Variants in SYAP1 observed in about 807,000 individuals in gnomAD.
The protein encoded by SYAP1 is synapse associated protein 1.
Under a neutral mutation model 29.6 loss-of-function variants are expected in SYAP1, and 3 were observed. The ratio of observed to expected loss-of-function variants is 0.10; its 90% CI spans 0.05 to 0.26. SYAP1 has a LOEUF of 0.26. Among genes scored for constraint, SYAP1 ranks in the 10% least tolerant of loss-of-function variants. The pLI, the probability that SYAP1 is intolerant of heterozygous loss-of-function variation, is 1.00. For missense variants in SYAP1, 217 were observed against 264.1 expected, an observed-to-expected ratio of 0.82 and a Z score of 1.24; for synonymous variants, 102 against 102.7, an observed-to-expected ratio of 0.99 and a Z score of 0.04.
At chrX:16,736,390 C>T (rs1926328948) in intron 3 of SYAP1, 158 bp downstream of exon 3, 1 of 407,145 alleles carries the variant, frequency 2.5e-6, no homozygotes, top group Non-Finnish European at 4.4e-6. Context: ...AACCCATAAA[C>T]TTCCATGATT....
intron 3 of SYAP1, among the ~76,000 whole-genome samples, chrX:16,739,465 A>ACT (rs1214604346): frequency 6.3e-5 from 5 of 79,016 alleles, no homozygotes; most frequent in East Asian, 4.4e-4. Flanking sequence ...TTTTCAAATC[A>ACT]CTCTCTCTCT....
chrX:16,729,485 ATTT>A (rs200479115), intron 1 of SYAP1, among the ~76,000 whole-genome samples: 1 of 93,136 alleles, frequency 1.1e-5, no homozygotes, highest in Non-Finnish European at 2.1e-5. Context: ...GATTTTATCG[ATTT>A]TTTTTTTTTT....
Position 16,741,781 on chromosome X carries a change from T to G in SYAP1, c.427T>G (p.Leu143Val), listed in dbSNP as rs1261381847. The change falls in exon 4 of 9, where the codon TTA (leucine) becomes GTA (valine). Residue 143 changes from leucine (L) to valine (V), a missense_variant. Coordinates refer to ENST00000380155, the MANE Select transcript of SYAP1 (RefSeq NM_032796.4). ...EETIQQQILA[L>V]SADKRNFLRD... Reference sequence around the variant, plus strand: ...AACAATTCAACAACAAATTTTGGCCTTATCAGCTGTAAGTATCTTGTGGTA... The same window carrying G: ...AACAATTCAACAACAAATTTTGGCCGTATCAGCTGTAAGTATCTTGTGGTA... The G allele has an allele frequency of 8.4e-7, 1 of 1,196,179 alleles. No homozygotes were observed. The highest frequency in any genetic ancestry group is 2.2e-5 in the Admixed American group (1 of 45,355).
At chrX:16,732,077 C>CA (rs1316265911) in intron 1 of SYAP1, among the ~76,000 whole-genome samples, 2 of 112,183 alleles carry the variant, frequency 1.8e-5, no homozygotes, top group Non-Finnish European at 3.8e-5. Flanking sequence ...TAAATGTAAA[C>CA]AAAAATATAT....
rs112239864 is a variant in SYAP1 at position 16,746,407 on chromosome X, T to C, written c.575+2567T>C. Among the ~76,000 whole-genome samples, 227 of 108,878 alleles carry C rather than the reference T, an allele frequency of 2.1e-3. 1 individual carries two copies. Among genetic ancestry groups the C allele is most frequent in the Non-Finnish European group, 3.8e-3 (199 of 52,475 alleles). The allele number at this position is 108,878 out of a possible 115,157, so 94.5% of individuals were successfully genotyped here. A position where few individuals can be genotyped will look rare whatever the true frequency, so the allele number is the denominator to read the frequency against. On this transcript the variant is annotated intron_variant, in intron 5 of 8. Transcript: ENST00000380155. ...GCCCGCCACCACACCCAGCTAATTT[T>C]TGTATTTTTAGTAGAGATGGGGTTT...
intron 5 of SYAP1, among the ~76,000 whole-genome samples, chrX:16,754,579 T>C (rs1341423396): frequency 4.5e-5 from 5 of 110,636 alleles, no homozygotes; most frequent in African/African-American, 1.6e-4. Flanking sequence ...AATACAAAAA[T>C]TAGCTGTGCA....
At chrX:16,736,552 G>A in intron 3 of SYAP1, 1 of 160,985 alleles carries the variant, frequency 6.2e-6, no homozygotes, top group Non-Finnish European at 1.2e-5. Flanking sequence ...CACCCAGGCT[G>A]GAGTGCAATG....
At chrX:16,744,945 C>T (rs971384438) in intron 5 of SYAP1, among the ~76,000 whole-genome samples, 29 of 112,556 alleles carry the variant, frequency 2.6e-4, no homozygotes, top group African/African-American at 9.3e-4. Flanking sequence ...CCAGCCTGGG[C>T]AACAGAGTGA....
intron 1 of SYAP1, among the ~76,000 whole-genome samples, chrX:16,725,848 A>G (rs1481701649): frequency 8.9e-6 from 1 of 112,396 alleles, no homozygotes; most frequent in East Asian, 2.8e-4. Flanking sequence ...ATGCTAAAAT[A>G]CCAGTTTTTA....
intron 1 of SYAP1, among the ~76,000 whole-genome samples, chrX:16,722,459 C>T (rs903143885): frequency 9.4e-6 from 1 of 106,368 alleles, no homozygotes; most frequent in Non-Finnish European, 1.9e-5. Context: ...ACCCGGGAGG[C>T]GGAGGTTGCA....
intron 5 of SYAP1, among the ~76,000 whole-genome samples, chrX:16,751,472 T>A (rs865908241): frequency 9.7e-5 from 8 of 82,635 alleles, no homozygotes; most frequent in South Asian, 5.5e-4. Context: ...AAAAAAGGGA[T>A]AAAGAGGCAT....
chrX:16,722,422 A>G (rs1408685772), intron 1 of SYAP1, among the ~76,000 whole-genome samples: 3 of 109,189 alleles, frequency 2.7e-5, no homozygotes, highest in African/African-American at 1.0e-4. Context: ...CAGCTACTCA[A>G]GAGGCTGAGG....
At chrX:16,740,342 C>CTTTT (rs57231597) in intron 3 of SYAP1, among the ~76,000 whole-genome samples, 1 of 90,447 alleles carries the variant, frequency 1.1e-5, no homozygotes, top group East Asian at 3.5e-4. Context: ...TTGTGCATTT[C>CTTTT]TTTTTTTTTT....
intron 5 of SYAP1, among the ~76,000 whole-genome samples, chrX:16,750,167 G>C (rs1926698690): frequency 9.0e-6 from 1 of 111,318 alleles, no homozygotes; most frequent in Admixed American, 9.7e-5. Context: ...TGAATATAAT[G>C]CGTTGTCTTA....
chrX:16,752,364 GATTATTATT>G (rs202245644), intron 5 of SYAP1, among the ~76,000 whole-genome samples: 1,957 of 96,106 alleles, frequency 0.02, 54 homozygotes, highest in African/African-American at 0.067. Context: ...GTTATCAATG[GATTATTATT>G]ATTATTATTA....
chrX:16,736,033 T>C, intron 2 of SYAP1, 133 bp from the exon 3 acceptor site: 6 of 472,852 alleles, frequency 1.3e-5, no homozygotes, highest in Non-Finnish European at 2.3e-5. Flanking sequence ...TTTAAGACTC[T>C]AAGGAGTGAG....
At chrX:16,743,924 G>A in intron 5 of SYAP1, 84 bp downstream of exon 5, 1 of 1,048,624 alleles carries the variant, frequency 9.5e-7, no homozygotes. Context: ...GGGCCAAAAG[G>A]GTCTCTATCT....
chrX:16,737,788 A>G (rs911982072), intron 3 of SYAP1, among the ~76,000 whole-genome samples: 1 of 112,272 alleles, frequency 8.9e-6, no homozygotes, highest in Non-Finnish European at 1.9e-5. Flanking sequence ...ACATATGGCT[A>G]ATGGCTTCCG....
rs192877020 is a variant in SYAP1, at chrX:16,747,241, C to T, written c.575+3401C>T. ...TGAGGTTATAGACGAGAGCCACCCA[C>T]GCTCCTGGTAGAATTGAATTTTGAA... is the stretch of plus-strand genomic sequence containing the variant. On this transcript the variant is annotated intron_variant, in intron 5 of 8. Coordinates refer to ENST00000380155, the MANE Select transcript of SYAP1 (RefSeq NM_032796.4). Among the ~76,000 whole-genome samples, 16 of 111,882 alleles carry T rather than the reference C, an allele frequency of 1.4e-4. No individual in the cohort carries two copies. In the East Asian group the frequency reaches 4.5e-3, roughly 31 times the overall value.
Sources: gnomAD v4.1 joint callset for allele counts (sites outside exome capture counted in the v4.1 genomes callset) on GRCh38, gnomAD v4.1.1 for gene constraint, MANE v1.5 for transcripts, NCBI Gene and HGNC (gene_info 2026-07-23, HGNC 2026-07-21) for gene names.